Variants in PCDH7 observed in about 807,000 individuals in gnomAD.
PCDH7 encodes the protein protocadherin-7.
PCDH7 carries 17 observed loss-of-function variants against 58.9 expected under a neutral mutation model. The ratio of observed to expected loss-of-function variants is 0.29; its 90% confidence interval spans 0.20 to 0.43. The LOEUF (loss-of-function observed/expected upper bound fraction) is 0.43. PCDH7 is among the 20% of genes least tolerant of loss of function. PCDH7 has a pLI of 1.00. For missense variants in PCDH7, 1,274 were observed against 1,441.0 expected (o/e 0.88, Z 1.88); for synonymous variants, 664 against 616.4 (o/e 1.08, Z -1.14).
chr4:30,759,191 C>G (rs1437490506), intron 1 of PCDH7, among the ~76,000 whole-genome samples: 1 of 152,078 alleles, frequency 6.6e-6, no homozygotes, highest in African/African-American at 2.4e-5. Flanking sequence ...ATCCGCCCGC[C>G]CTGGCCTCCC....
At chr4:31,117,161 C>G (rs1434371337) in intron 3 of PCDH7, among the ~76,000 whole-genome samples, 1 of 152,174 alleles carries the variant, frequency 6.6e-6, no homozygotes, top group Non-Finnish European at 1.5e-5. Flanking sequence ...GCATTACAGG[C>G]ATGAGCCACC....
chr4:30,973,221 A>T (rs1397222088), intron 3 of PCDH7, among the ~76,000 whole-genome samples: 1 of 152,214 alleles, frequency 6.6e-6, no homozygotes, highest in Non-Finnish European at 1.5e-5. Context: ...CAGATTTTAG[A>T]TAGGTGAAAG....
chr4:30,962,205 T>C (rs918416660), intron 3 of PCDH7, among the ~76,000 whole-genome samples: 1 of 152,150 alleles, frequency 6.6e-6, no homozygotes, highest in Admixed American at 6.5e-5. Context: ...AAAACACAGA[T>C]TTCTGCAGTT....
At chr4:30,878,816 C>T (rs1177368448) in intron 1 of PCDH7, among the ~76,000 whole-genome samples, 1 of 152,036 alleles carries the variant, frequency 6.6e-6, no homozygotes, top group Non-Finnish European at 1.5e-5. Flanking sequence ...TGCCATTGCA[C>T]TCCAGCCTGG....
intron 1 of PCDH7, among the ~76,000 whole-genome samples, chr4:30,756,868 G>A (rs1000028860): frequency 2.0e-5 from 3 of 152,060 alleles, no homozygotes; most frequent in African/African-American, 7.2e-5. Flanking sequence ...ACTACTCTCT[G>A]GCCTACGCCT....
intron 1 of PCDH7, among the ~76,000 whole-genome samples, chr4:30,880,547 G>T (rs116739636): frequency 6.6e-6 from 1 of 152,154 alleles, no homozygotes; most frequent in Middle Eastern, 3.4e-3. Flanking sequence ...ATGCACTGAG[G>T]TATCATCTAC....
At chr4:31,079,750 T>C (rs1759349172) in intron 3 of PCDH7, among the ~76,000 whole-genome samples, 1 of 152,054 alleles carries the variant, frequency 6.6e-6, no homozygotes, top group Non-Finnish European at 1.5e-5. Context: ...TTCAACGGTG[T>C]TAACTGCAGC....
intron 2 of PCDH7, among the ~76,000 whole-genome samples, chr4:30,926,733 G>A (rs1035333353): frequency 5.3e-5 from 8 of 152,070 alleles, no homozygotes; most frequent in Non-Finnish European, 1.0e-4. Context: ...CAAACCAACC[G>A]ACTCTTTGTG....
At chr4:30,996,088 A>G (rs1191466501) in intron 3 of PCDH7, among the ~76,000 whole-genome samples, 4 of 152,280 alleles carry the variant, frequency 2.6e-5, no homozygotes, top group Admixed American at 1.3e-4. Context: ...ATATATAAAA[A>G]TCCATGTGTC....
chr4:30,843,683 C>T (rs1166166583), intron 1 of PCDH7, among the ~76,000 whole-genome samples: 1 of 152,098 alleles, frequency 6.6e-6, no homozygotes, highest in Non-Finnish European at 1.5e-5. Context: ...AACAAACTTG[C>T]TCTTGCACTA....
chr4:30,921,013 G>A (rs1261873397), intron 2 of PCDH7, among the ~76,000 whole-genome samples: 1 of 152,024 alleles, frequency 6.6e-6, no homozygotes. Context: ...CTGTTTTGAG[G>A]TGATTCTCAT....
intron 1 of PCDH7, among the ~76,000 whole-genome samples, chr4:30,850,547 G>T (rs1732593718): frequency 1.3e-5 from 2 of 152,036 alleles, no homozygotes; most frequent in Admixed American, 1.3e-4. Context: ...ATTAGGTGGA[G>T]GGGGGAGGGG....
At chr4:30,848,512 T>C (rs1732290330) in intron 1 of PCDH7, among the ~76,000 whole-genome samples, 1 of 152,134 alleles carries the variant, frequency 6.6e-6, no homozygotes, top group African/African-American at 2.4e-5. Context: ...TGAGGACAGA[T>C]GCAATGAGGG....
At chr4:31,096,560 G>T (rs1475903982) in intron 3 of PCDH7, among the ~76,000 whole-genome samples, 1 of 152,168 alleles carries the variant, frequency 6.6e-6, no homozygotes, top group Non-Finnish European at 1.5e-5. Flanking sequence ...GCCTCAGAAG[G>T]TTGAGTTAAA....
intron 3 of PCDH7, among the ~76,000 whole-genome samples, chr4:30,989,146 G>GT (rs35819946): frequency 0.17 from 26,029 of 149,700 alleles, 2,778 homozygotes; most frequent in South Asian, 0.28. Flanking sequence ...TCAAATCACA[G>GT]TTTTTTTTTT....
chr4:30,796,858 CTGT>C (rs935632366), intron 1 of PCDH7, among the ~76,000 whole-genome samples: 2 of 152,198 alleles, frequency 1.3e-5, no homozygotes, highest in African/African-American at 4.8e-5. Context: ...CTAATCCTTA[CTGT>C]TATCTCTTCT....
At chr4:31,052,281 C>G (rs1756816236) in intron 3 of PCDH7, among the ~76,000 whole-genome samples, 2 of 152,066 alleles carry the variant, frequency 1.3e-5, no homozygotes, top group African/African-American at 4.8e-5. Context: ...AAAACTGATA[C>G]AGAATTCTGT....
At chr4:30,761,571 C>T (rs1163227048) in intron 1 of PCDH7, among the ~76,000 whole-genome samples, 2 of 152,036 alleles carry the variant, frequency 1.3e-5, no homozygotes, top group African/African-American at 4.8e-5. Context: ...TTTATAATTA[C>T]AGCACCTCAT....
intron 3 of PCDH7, among the ~76,000 whole-genome samples, chr4:31,125,478 A>G (rs184651910): frequency 6.6e-6 from 1 of 152,236 alleles, no homozygotes; most frequent in East Asian, 1.9e-4. Flanking sequence ...TTTCTTTCTG[A>G]GTTTATAGTA....
Sources: allele counts gnomAD v4.1 joint callset (sites outside exome capture counted in the v4.1 genomes callset), GRCh38; gene constraint gnomAD v4.1.1; transcripts MANE v1.5; gene names NCBI Gene and HGNC (gene_info 2026-07-23, HGNC 2026-07-21).